Variants in OR6J1 observed in about 807,000 individuals in gnomAD.
OR6J1 encodes the protein olfactory receptor family 6 subfamily J member 1.
For synonymous variants in OR6J1, 109 were observed against 70.0 expected, an observed-to-expected ratio of 1.56 and a Z score of -2.78; for missense variants, 304 against 166.8, an observed-to-expected ratio of 1.82 and a Z score of -4.53.
chr14:22,640,906 C>A (rs367595935), intron 1 of OR6J1, among the ~76,000 whole-genome samples: 1 of 151,202 alleles, frequency 6.6e-6, no homozygotes, highest in Admixed American at 6.6e-5. Flanking sequence ...TGGTGGCTAA[C>A]GCGTGTAATC....
chr14:22,641,096 G>A (rs2037641296), intron 1 of OR6J1, among the ~76,000 whole-genome samples: 1 of 150,606 alleles, frequency 6.6e-6, no homozygotes, highest in African/African-American at 2.4e-5. Context: ...CTGAGCCCAG[G>A]AGCTTCAGTG....
intron 1 of OR6J1, among the ~76,000 whole-genome samples, chr14:22,643,303 T>C (rs1329942096): frequency 1.3e-5 from 2 of 150,998 alleles, no homozygotes; most frequent in African/African-American, 4.9e-5. Flanking sequence ...ATTTTACTTT[T>C]TTTATTTTTT....
At chr14:22,643,795 AG>A (rs1350771621) in intron 1 of OR6J1, among the ~76,000 whole-genome samples, 7 of 150,134 alleles carry the variant, frequency 4.7e-5, no homozygotes, top group African/African-American at 1.7e-4. Context: ...AGAGAGAGAG[AG>A]AGACAGCAGT....
At chr14:22,636,547 ATTGCAGGCGCACGC>A (rs1254271537) in intron 1 of OR6J1, among the ~76,000 whole-genome samples, 5 of 112,656 alleles carry the variant, frequency 4.4e-5, no homozygotes, top group Non-Finnish European at 8.6e-5. Context: ...AGTGCCTGCG[ATTGCAGGCGCACGC>A]CGCCACGCCT....
intron 1 of OR6J1, among the ~76,000 whole-genome samples, chr14:22,636,468 C>T (rs2037587197): frequency 1.3e-5 from 1 of 77,880 alleles, no homozygotes; most frequent in Non-Finnish European, 2.4e-5. Context: ...CGAGCCAAGG[C>T]TGGACGGTGC....
chr14:22,641,421 G>GAA (rs1333014109), intron 1 of OR6J1, among the ~76,000 whole-genome samples: 69,886 of 120,542 alleles, frequency 0.58, 19,828 homozygotes, highest in East Asian at 0.71. Flanking sequence ...AAGGAAGGAA[G>GAA]AGAAAGAAAG....
Position 22,634,147 on chromosome 14 carries a change from A to G in OR6J1, c.665T>C (p.Leu222Ser). The G allele has an allele frequency of 1.4e-6, 1 of 703,440 alleles. No homozygotes were observed. The allele number at this position is 703,440 out of a possible 1,614,324, so 43.6% of individuals were successfully genotyped here. Residue 222 changes from leucine to serine, a missense_variant, in exon 2 of 2, where the codon TTG becomes TCG. By Grantham distance (145) the Leu-to-Ser change is moderately radical. Transcript: ENST00000540461. Reference protein sequence around the residue: ...LVAYSYTYIILTIVRIPSASG... With the variant: ...LVAYSYTYIISTIVRIPSASG... ...TGCAGAAGGAATGCGCACTATGGTCAAGATGATGTACGTATAGGAATAGGC... is the reference window on the plus strand; with the variant it reads ...TGCAGAAGGAATGCGCACTATGGTCGAGATGATGTACGTATAGGAATAGGC...
chr14:22,636,797 C>A (rs1349620802), intron 1 of OR6J1, among the ~76,000 whole-genome samples: 3 of 118,398 alleles, frequency 2.5e-5, no homozygotes, highest in African/African-American at 1.4e-4. Context: ...GCCTTGGCCC[C>A]CCAAAGTGCC....
chr14:22,634,782 C>T lies in OR6J1; in HGVS notation c.30G>A (p.Glu10=), dbSNP rs942784140. ...TCAGGGAAAACCCCAGCAGAACAAA[C>T]TCAGTCACCGCTGCAGTCCAGTTAC... The part of the protein sequence containing the change: MGNWTAAVT[E]FVLLGFSLSR... Residue 10 remains glutamate (E), a synonymous_variant, in exon 2 of 2, where the codon GAG becomes GAA. Transcript: ENST00000540461. 4 of 699,464 alleles carry T rather than the reference C, an allele frequency of 5.7e-6. No homozygotes were observed. The highest frequency in any genetic ancestry group is 1.7e-5 in the African/African-American group (1 of 57,212). The allele number at this position is 699,464 out of a possible 1,614,324, so 43.3% of individuals were successfully genotyped here.
In OR6J1 at chr14:22,639,995, T is replaced by TA. The variant is rs1016510047; in HGVS notation, c.-28+4102dup. The stretch of plus-strand genomic sequence containing the variant: ...AGAATTATCAATAAAAAAATAAATT[T>TA]AAAAAAAAAAAAAATTTACACTGCT... On this transcript the variant is annotated intron_variant, in intron 1 of 1. Transcript: ENST00000540461. Among the ~76,000 whole-genome samples the TA allele has an allele frequency of 4.3e-4, 47 of 108,130 alleles. 3 individuals carry two copies. The highest frequency in any genetic ancestry group is 2.9e-3 in the East Asian group (9 of 3,054). The allele number at this position is 108,130 out of a possible 152,430, so 70.9% of individuals were successfully genotyped here.
At chr14:22,637,714 C>G (rs1594902422) in intron 1 of OR6J1, among the ~76,000 whole-genome samples, 5 of 82,814 alleles carry the variant, frequency 6.0e-5, no homozygotes, top group African/African-American at 1.4e-4. Context: ...CGACCAGCCG[C>G]CCCGTCCGGG....
rs74887822 is a variant in OR6J1, at chr14:22,640,228, G to A, written c.-28+3870C>T. On this transcript the variant is annotated intron_variant, in intron 1 of 1. Coordinates refer to ENST00000540461, the MANE Select transcript of OR6J1 (RefSeq NM_001348233.2). ...AGAGAGGGAGGGAGGGAGGGAGGGA[G>A]GGAAGGAAGGATGGAAGGAAGGAAG... 6.9e-3 allele frequency among the ~76,000 whole-genome samples: 671 copies of A among 97,760 alleles called. 14 individuals are homozygous for A. The highest frequency in any genetic ancestry group is 0.017 in the African/African-American group (401 of 23,078). The allele number at this position is 97,760 out of a possible 152,430, so 64.1% of individuals were successfully genotyped here.
rs1288757009 is a variant in OR6J1, at chr14:22,636,980, C to G, written c.-27-2142G>C. ...ATCTAGGAAGCGAGGAGCGCCTCTT[C>G]CCGGCCGCCTTCCCATCTAGGAAGT... On this transcript the variant is annotated intron_variant, in intron 1 of 1. Transcript: ENST00000540461. 1.1e-4 allele frequency among the ~76,000 whole-genome samples: 14 copies of G among 127,008 alleles called. 2 individuals are homozygous for G. The highest frequency in any genetic ancestry group is 1.9e-4 in the Non-Finnish European group (12 of 62,622). 83.3% of individuals were successfully genotyped at this position (127,008 alleles called of 152,430 possible).
At chr14:22,640,907 G>A (rs1451475318) in intron 1 of OR6J1, among the ~76,000 whole-genome samples, 3 of 151,292 alleles carry the variant, frequency 2.0e-5, no homozygotes, top group South Asian at 2.1e-4. Flanking sequence ...GGTGGCTAAC[G>A]CGTGTAATCC....
rs993920517 is a variant in OR6J1, at chr14:22,634,352, A to G, written c.460T>C (p.Ser154Pro). The G allele has an allele frequency of 7.1e-6, 5 of 703,344 alleles. No individual in the cohort carries two copies. Among genetic ancestry groups the G allele is most frequent in the Admixed American group, 4.0e-5 (2 of 50,010 alleles). The allele number at this position is 703,344 out of a possible 1,614,324, so 43.6% of individuals were successfully genotyped here. The change falls in exon 2 of 2, where the codon TCT (serine) becomes CCT (proline). Residue 154 changes from serine to proline, a missense_variant. Coordinates refer to ENST00000540461, the MANE Select transcript of OR6J1 (RefSeq NM_001348233.2). ...VVFSWVGGFL[S>P]VLFPTILISQ... ...ATGAGGATGGTTGGAAAGAGCACAG[A>G]CAGGAAGCCTCCCACCCAAGAGAAT...
chr14:22,640,369 A>G (rs896460414), intron 1 of OR6J1, among the ~76,000 whole-genome samples: 1 of 150,356 alleles, frequency 6.7e-6, no homozygotes, highest in Non-Finnish European at 1.5e-5. Flanking sequence ...GAAGGGGGAA[A>G]AAAGAGAAGG....
intron 1 of OR6J1, among the ~76,000 whole-genome samples, chr14:22,640,154 C>T (rs1218659463): frequency 7.9e-6 from 1 of 127,308 alleles, no homozygotes; most frequent in African/African-American, 2.9e-5. Flanking sequence ...CCCCAGGAGA[C>T]AAACAAGAAT....
rs1468382601 is a variant in OR6J1, at chr14:22,641,336, AGGAG to A, written c.-28+2758_-28+2761del. Among the ~76,000 whole-genome samples the A allele has an allele frequency of 8.3e-5, 12 of 145,104 alleles. 1 individual carries two copies. Among genetic ancestry groups the A allele is most frequent in the African/African-American group, 2.5e-4 (10 of 39,690 alleles). ...GAGAGAGAGAGGAAGGAAGGAAGAA[AGGAG>A]GGAGGGAGGGAAGAAAGAAAGAAAG... On this transcript the variant is annotated intron_variant, in intron 1 of 1. Transcript: ENST00000540461.
chr14:22,639,347 T>C (rs1411712114), intron 1 of OR6J1, among the ~76,000 whole-genome samples: 3 of 112,010 alleles, frequency 2.7e-5, no homozygotes, highest in African/African-American at 8.6e-5. Flanking sequence ...AGCCACCCCG[T>C]CCGGGAGGGA....
Sources: allele counts gnomAD v4.1 joint callset (sites outside exome capture counted in the v4.1 genomes callset), GRCh38; gene constraint gnomAD v4.1.1; transcripts MANE v1.5; gene names NCBI Gene and HGNC (gene_info 2026-07-23, HGNC 2026-07-21).